Variants in SLC4A4 observed in about 807,000 individuals in gnomAD.
SLC4A4 encodes the protein electrogenic sodium bicarbonate cotransporter 1.
A neutral mutation model predicts 111.5 loss-of-function variants in SLC4A4; 27 were observed. That is an observed-to-expected ratio of 0.24 (90% confidence interval 0.18 to 0.33). The LOEUF is 0.33. Ranked by LOEUF, SLC4A4 falls within the 10% of genes least tolerant of loss-of-function variation. The pLI, the probability that SLC4A4 is intolerant of heterozygous loss-of-function variation, is 1.00. For missense variants in SLC4A4, 909 were observed against 1,315.5 expected, an observed-to-expected ratio of 0.69 and a Z score of 4.78; for synonymous variants, 443 against 463.4, an observed-to-expected ratio of 0.96 and a Z score of 0.57.
intron 2 of SLC4A4, among the ~76,000 whole-genome samples, chr4:71,096,063 A>G (rs1046202313): frequency 6.6e-6 from 1 of 152,158 alleles, no homozygotes; most frequent in Non-Finnish European, 1.5e-5. Flanking sequence ...ACTCTAGGAT[A>G]TAGGCAGGCA....
At chr4:71,228,222 CCAG>C (rs1057444541) in intron 1 of SLC4A4, among the ~76,000 whole-genome samples, 104 of 152,272 alleles carry the variant, frequency 6.8e-4, no homozygotes, top group African/African-American at 2.4e-3. Context: ...TGAGCCTGCT[CCAG>C]CCTTTCAGAA....
At chr4:71,513,139 T>A (rs1472656950) in intron 16 of SLC4A4, among the ~76,000 whole-genome samples, 1 of 152,214 alleles carries the variant, frequency 6.6e-6, no homozygotes, top group East Asian at 1.9e-4. Context: ...TCTATATGAG[T>A]TTTATTAAAT....
At position 71,086,765 on chromosome 4, in the gene SLC4A4, G is replaced by C. The variant is rs532216291; in HGVS notation, c.-64-5965G>C. ...TCCCAGGGATAAAGCCCACTTGATC[G>C]TGGTAGATAAGCTTCTTGATGGGCT... On this transcript the variant is annotated intron_variant, in intron 1 of 26. Coordinates refer to the SLC4A4 transcript ENST00000649996. Among the ~76,000 whole-genome samples, 695 of 152,102 alleles carry C rather than the reference G, an allele frequency of 4.6e-3. 1 individual carries two copies. The highest frequency in any genetic ancestry group is 8.8e-3 in the Non-Finnish European group (597 of 68,012).
At chr4:71,337,116 C>A (rs1728491340) in intron 3 of SLC4A4, among the ~76,000 whole-genome samples, 1 of 152,188 alleles carries the variant, frequency 6.6e-6, no homozygotes, top group Admixed American at 6.5e-5. Flanking sequence ...ATTATGCACA[C>A]ATGTTAGTTA....
chr4:71,220,275 C>A (rs957949884), intron 1 of SLC4A4, among the ~76,000 whole-genome samples: 1 of 152,140 alleles, frequency 6.6e-6, no homozygotes, highest in Non-Finnish European at 1.5e-5. Flanking sequence ...TTTAGCAATA[C>A]AGAATTTTAA....
chr4:71,447,591 T>C (rs895128402), intron 8 of SLC4A4, 55 bp from the exon 9 acceptor site: 10 of 1,069,560 alleles, frequency 9.3e-6, no homozygotes, highest in Admixed American at 1.7e-5. Flanking sequence ...GTTTTATGTA[T>C]GTTGAGTTTG....
intron 7 of SLC4A4, among the ~76,000 whole-genome samples, chr4:71,425,307 A>G (rs1723021631): frequency 6.6e-6 from 1 of 152,118 alleles, no homozygotes; most frequent in African/African-American, 2.4e-5. Flanking sequence ...GGTAAACTAT[A>G]TAGAGCCTTC....
chr4:71,286,101 A>G (rs2602047), intron 3 of SLC4A4, among the ~76,000 whole-genome samples: 44,717 of 151,984 alleles, frequency 0.29, 8,487 homozygotes, highest in African/African-American at 0.51. Flanking sequence ...TTAGACAGGC[A>G]TGGTGGCGGG....
intron 7 of SLC4A4, among the ~76,000 whole-genome samples, chr4:71,407,808 A>G (rs1357069672): frequency 6.6e-6 from 1 of 151,926 alleles, no homozygotes; most frequent in South Asian, 2.1e-4. Flanking sequence ...TTAGTGTGAC[A>G]TGTAGAATTA....
chr4:71,447,155 G>A (rs1725313566), intron 8 of SLC4A4, among the ~76,000 whole-genome samples: 1 of 152,152 alleles, frequency 6.6e-6, no homozygotes, highest in Non-Finnish European at 1.5e-5. Context: ...GGTTTTTGCT[G>A]ATTCCCAGTC....
At chr4:71,440,472 A>G in intron 7 of SLC4A4, 144 bp from the exon 8 acceptor site, 2 of 825,172 alleles carry the variant, frequency 2.4e-6, no homozygotes, top group Non-Finnish European at 4.1e-6. Context: ...GCTAGCTAGA[A>G]CATGTTGCAT....
chr4:71,073,133 A>G (rs968372518), intron 1 of SLC4A4, among the ~76,000 whole-genome samples: 6 of 152,150 alleles, frequency 3.9e-5, no homozygotes, highest in African/African-American at 1.4e-4. Flanking sequence ...ATGTTTGTAT[A>G]TTAACTTTGT....
At chr4:71,504,736 C>A (rs1295245235) in intron 16 of SLC4A4, among the ~76,000 whole-genome samples, 2 of 150,176 alleles carry the variant, frequency 1.3e-5, no homozygotes, top group Non-Finnish European at 3.0e-5. Flanking sequence ...AACCTCTATT[C>A]TAATTCAGGG....
intron 1 of SLC4A4, among the ~76,000 whole-genome samples, chr4:71,080,514 A>T (rs1029969717): frequency 1.3e-5 from 2 of 152,136 alleles, no homozygotes; most frequent in Non-Finnish European, 1.5e-5. Flanking sequence ...TTCCCTTCCA[A>T]GTGGCCATAA....
intron 2 of SLC4A4, among the ~76,000 whole-genome samples, chr4:71,130,348 G>A (rs994642937): frequency 6.6e-6 from 1 of 152,040 alleles, no homozygotes; most frequent in Non-Finnish European, 1.5e-5. Flanking sequence ...TACCACCTCA[G>A]CCTCCTGAAT....
intron 2 of SLC4A4, among the ~76,000 whole-genome samples, chr4:71,164,975 G>A (rs1237976475): frequency 6.6e-6 from 1 of 152,202 alleles, no homozygotes; most frequent in Non-Finnish European, 1.5e-5. Context: ...CTGGTCATTA[G>A]AGAAATGCAA....
chr4:71,254,094 G>A (rs1239234860), intron 2 of SLC4A4, among the ~76,000 whole-genome samples: 2 of 152,124 alleles, frequency 1.3e-5, no homozygotes, highest in Non-Finnish European at 2.9e-5. Flanking sequence ...ATGTAGGTAC[G>A]TGATATTGGC....
chr4:71,145,957 C>T (rs1474826953), intron 2 of SLC4A4, among the ~76,000 whole-genome samples: 1 of 152,086 alleles, frequency 6.6e-6, no homozygotes, highest in African/African-American at 2.4e-5. Context: ...TTCAGTTCTG[C>T]TCTGATCTTA....
At chr4:71,329,231 T>C (rs974487743) in intron 3 of SLC4A4, among the ~76,000 whole-genome samples, 1 of 152,096 alleles carries the variant, frequency 6.6e-6, no homozygotes, top group African/African-American at 2.4e-5. Context: ...AGGTCTATAG[T>C]AAAATTTGAA....
Sources: gnomAD v4.1 joint callset for allele counts (sites outside exome capture counted in the v4.1 genomes callset) on GRCh38, gnomAD v4.1.1 for gene constraint, MANE v1.5 for transcripts, NCBI Gene and HGNC (gene_info 2026-07-23, HGNC 2026-07-21) for gene names.